Variants in THSD7B observed in about 807,000 individuals in gnomAD.
The protein encoded by THSD7B is thrombospondin type 1 domain containing 7B.
A neutral mutation model predicts 213.6 loss-of-function variants in THSD7B; 138 were observed. The ratio of observed to expected loss-of-function variants is 0.65; its 90% confidence interval spans 0.56 to 0.74. The LOEUF (loss-of-function observed/expected upper bound fraction) is 0.74, where lower values mean the gene tolerates loss of function less well. THSD7B is among the 30% of genes least tolerant of loss of function. The pLI is 0.00. For missense variants in THSD7B, 1,931 were observed against 1,991.5 expected (o/e 0.97, Z 0.58); for synonymous variants, 742 against 687.0 (o/e 1.08, Z -1.25).
intron 12 of THSD7B, among the ~76,000 whole-genome samples, chr2:137,362,501 G>C (rs553159120): frequency 1.3e-5 from 2 of 152,186 alleles, no homozygotes; most frequent in South Asian, 2.1e-4. Flanking sequence ...CTCACATGCA[G>C]AGACACACAT....
intron 2 of THSD7B, among the ~76,000 whole-genome samples, chr2:136,983,736 A>G (rs1437328222): frequency 3.3e-5 from 5 of 152,236 alleles, no homozygotes; most frequent in Admixed American, 6.5e-5. Flanking sequence ...AAGCTGTGGC[A>G]GAGAAATGTG....
At chr2:136,883,405 C>T (rs926871643) in intron 2 of THSD7B, among the ~76,000 whole-genome samples, 1 of 151,240 alleles carries the variant, frequency 6.6e-6, no homozygotes, top group African/African-American at 2.4e-5. Flanking sequence ...ATTAAAGCCC[C>T]TATAAATTAA....
chr2:136,993,840 G>A (rs955837332), intron 2 of THSD7B, among the ~76,000 whole-genome samples: 10 of 152,172 alleles, frequency 6.6e-5, no homozygotes, highest in Admixed American at 3.3e-4. Flanking sequence ...CTGTGTCTGC[G>A]TGCATGTGTG....
intron 5 of THSD7B, among the ~76,000 whole-genome samples, chr2:137,129,999 T>A (rs1237895673): frequency 6.6e-6 from 1 of 152,176 alleles, no homozygotes; most frequent in Non-Finnish European, 1.5e-5. Context: ...TATAAGAATA[T>A]GTCTGACAGT....
intron 6 of THSD7B, among the ~76,000 whole-genome samples, chr2:137,170,299 G>A (rs1394158483): frequency 6.6e-6 from 1 of 152,170 alleles, no homozygotes; most frequent in Admixed American, 6.5e-5. Flanking sequence ...GCAGGAAGTT[G>A]TGAATGGTCA....
intron 26 of THSD7B, among the ~76,000 whole-genome samples, chr2:137,666,824 T>C (rs1247954365): frequency 1.3e-5 from 2 of 152,140 alleles, no homozygotes; most frequent in Non-Finnish European, 2.9e-5. Flanking sequence ...GTATATATAC[T>C]CAAGCTTATA....
chr2:136,880,115 C>T (rs1683594191), intron 1 of THSD7B, among the ~76,000 whole-genome samples: 1 of 152,146 alleles, frequency 6.6e-6, no homozygotes, highest in Admixed American at 6.6e-5. Context: ...ACCAAGCAGA[C>T]CTAATAGACA....
At chr2:137,051,653 C>T (rs1463821850) in intron 2 of THSD7B, among the ~76,000 whole-genome samples, 1 of 152,098 alleles carries the variant, frequency 6.6e-6, no homozygotes, top group Non-Finnish European at 1.5e-5. Flanking sequence ...TCCCCATACC[C>T]CTTGCCCAAG....
At chr2:136,897,480 T>G (rs1683980614) in intron 2 of THSD7B, among the ~76,000 whole-genome samples, 1 of 152,120 alleles carries the variant, frequency 6.6e-6, no homozygotes, top group Admixed American at 6.5e-5. Context: ...CTCACTGACT[T>G]CAGGAGTGAA....
At chr2:137,561,166 A>G (rs1374027405) in intron 15 of THSD7B, among the ~76,000 whole-genome samples, 2 of 152,216 alleles carry the variant, frequency 1.3e-5, no homozygotes, top group Non-Finnish European at 2.9e-5. Flanking sequence ...GACATTGCAG[A>G]TAGCTATCCT....
In THSD7B at chr2:137,454,369, G is replaced by T. The variant is rs532269486; in HGVS notation, c.3138+3346G>T. 1.1e-3 allele frequency among the ~76,000 whole-genome samples: 170 copies of T among 151,684 alleles called. 1 individual carries two copies. The highest frequency in any genetic ancestry group is 3.9e-3 in the African/African-American group (161 of 41,342). ...ATAGTGAAAAATCCTAAATTTAAAA[G>T]AAATTCTCTTCAGAGCCATTCTATC... On this transcript the variant is annotated intron_variant, in intron 15 of 27. Transcript: ENST00000409968.
rs1163863803 is a variant in THSD7B, at chr2:137,398,195, C to T, written c.2501-7418C>T. ...AGTCATTCTCCATCCAGCTTTGTTC[C>T]GTTGCTGGTGAGGAACTGCGTTCCT... On this transcript the variant is annotated intron_variant, in intron 12 of 27. Transcript: ENST00000409968. Among the ~76,000 whole-genome samples the T allele has an allele frequency of 4.3e-4, 65 of 150,346 alleles. No homozygotes were observed. In the East Asian group the frequency reaches 9.3e-3, roughly 21 times the overall value.
chr2:137,364,932 A>C (rs951376462), intron 12 of THSD7B, among the ~76,000 whole-genome samples: 3 of 152,218 alleles, frequency 2.0e-5, no homozygotes, highest in Non-Finnish European at 2.9e-5. Context: ...CACATTGCCA[A>C]GACAATCCTA....
intron 4 of THSD7B, among the ~76,000 whole-genome samples, chr2:137,097,442 A>G (rs1312891632): frequency 1.3e-5 from 2 of 152,186 alleles, no homozygotes; most frequent in African/African-American, 4.8e-5. Context: ...AGTGAAAGGG[A>G]TGTAAATTGG....
intron 12 of THSD7B, among the ~76,000 whole-genome samples, chr2:137,290,776 A>G (rs1307886945): frequency 1.3e-5 from 2 of 152,124 alleles, no homozygotes; most frequent in Non-Finnish European, 2.9e-5. Context: ...TTCAATCTTA[A>G]TGAGTTGCAT....
intron 4 of THSD7B, among the ~76,000 whole-genome samples, chr2:137,098,434 T>C (rs912949784): frequency 1.3e-5 from 2 of 151,892 alleles, no homozygotes; most frequent in Non-Finnish European, 2.9e-5. Context: ...ACCAAATAAA[T>C]AATATAAATG....
chr2:136,772,303 G>A (rs1553447592), intron 1 of THSD7B, among the ~76,000 whole-genome samples: 1 of 152,086 alleles, frequency 6.6e-6, no homozygotes, highest in Non-Finnish European at 1.5e-5. Flanking sequence ...ATGACTGACA[G>A]GAAGAATATT....
intron 20 of THSD7B, 162 bp from the exon 21 acceptor site, chr2:137,642,326 C>T (rs764446167): frequency 3.3e-5 from 26 of 794,418 alleles, no homozygotes; most frequent in Non-Finnish European, 4.6e-5. Context: ...GCCTGTGTCT[C>T]TGTGGAACTC....
intron 10 of THSD7B, among the ~76,000 whole-genome samples, chr2:137,267,317 A>T (rs1050941115): frequency 6.6e-6 from 1 of 152,222 alleles, no homozygotes; most frequent in East Asian, 1.9e-4. Context: ...GCAAACAGGC[A>T]CTTTAATTTA....
Sources: gnomAD v4.1 joint callset for allele counts (sites outside exome capture counted in the v4.1 genomes callset) on GRCh38, gnomAD v4.1.1 for gene constraint, MANE v1.5 for transcripts, NCBI Gene and HGNC (gene_info 2026-07-23, HGNC 2026-07-21) for gene names.